The following DLGAP2 variants were observed in gnomAD, a reference collection of about 807,000 sequenced individuals.
DLGAP2 encodes the protein disks large-associated protein 2.
DLGAP2 carries 26 observed loss-of-function variants against 100.3 expected under a neutral mutation model. The ratio of observed to expected loss-of-function variants is 0.26; its 90% CI spans 0.19 to 0.36. The LOEUF (loss-of-function observed/expected upper bound fraction) is 0.36, where lower values mean the gene tolerates loss of function less well. Among genes scored for constraint, DLGAP2 ranks in the 10% least tolerant of loss-of-function variants. The pLI is 1.00. For synonymous variants in DLGAP2, 886 were observed against 630.1 expected, an observed-to-expected ratio of 1.41 and a Z score of -6.08; for missense variants, 1,858 against 1,453.2, an observed-to-expected ratio of 1.28 and a Z score of -4.53.
intron 2 of DLGAP2, among the ~76,000 whole-genome samples, chr8:986,318 T>C (rs577160783): frequency 1.3e-5 from 2 of 152,028 alleles, no homozygotes; most frequent in African/African-American, 4.8e-5. Flanking sequence ...AATTAAACTT[T>C]TCTTTTTTTA....
intron 2 of DLGAP2, among the ~76,000 whole-genome samples, chr8:1,245,911 C>T (rs926260440): frequency 1.1e-4 from 16 of 152,240 alleles, no homozygotes; most frequent in African/African-American, 2.6e-4. Flanking sequence ...CCAGTATGAC[C>T]GCCGTGGGGA....
intron 1 of DLGAP2, among the ~76,000 whole-genome samples, chr8:801,450 C>T (rs1241394918): frequency 6.6e-6 from 1 of 152,212 alleles, no homozygotes; most frequent in East Asian, 1.9e-4. Context: ...GAAGTGCTGC[C>T]CTCATTAGGA....
At chr8:1,252,852 G>T (rs1799079327) in intron 2 of DLGAP2, among the ~76,000 whole-genome samples, 1 of 152,240 alleles carries the variant, frequency 6.6e-6, no homozygotes, top group Admixed American at 6.5e-5. Context: ...AGACTTGGAA[G>T]AGGAAAGACG....
intron 5 of DLGAP2, among the ~76,000 whole-genome samples, chr8:1,551,921 C>A (rs904739609): frequency 2.0e-5 from 3 of 152,218 alleles, no homozygotes; most frequent in Non-Finnish European, 4.4e-5. Flanking sequence ...GAGAAGGGGC[C>A]CGCCTGGCAG....
intron 3 of DLGAP2, among the ~76,000 whole-genome samples, chr8:1,432,119 C>G (rs370951866): frequency 8.5e-5 from 13 of 152,228 alleles, no homozygotes; most frequent in South Asian, 2.1e-4. Flanking sequence ...GGGCTGAACT[C>G]TGGCGTTTGA....
intron 1 of DLGAP2, among the ~76,000 whole-genome samples, chr8:857,447 C>T (rs972833008): frequency 8.5e-5 from 13 of 152,182 alleles, no homozygotes; most frequent in South Asian, 2.1e-4. Flanking sequence ...TGATGGAGGA[C>T]GAGCATGCAA....
intron 4 of DLGAP2, among the ~76,000 whole-genome samples, chr8:1,534,282 C>G (rs1039689954): frequency 6.6e-6 from 1 of 152,186 alleles, no homozygotes; most frequent in Non-Finnish European, 1.5e-5. Flanking sequence ...AATTTTCTAG[C>G]ACAGAAAGTA....
chr8:1,044,459 C>T lies in DLGAP2; in HGVS notation c.73+136493C>T, dbSNP rs1025344152. Among the ~76,000 whole-genome samples the T allele has an allele frequency of 2.6e-5, 4 of 152,188 alleles. No homozygotes were observed. In the East Asian group the frequency reaches 5.8e-4, roughly 22 times the overall value. The stretch of plus-strand genomic sequence containing the variant: ...GCTGGGTGAGTTGGTCTCACCGCAC[C>T]TGCGTGACCACCTGGCTTAAACGCA... On this transcript the variant is annotated intron_variant, in intron 2 of 14. Transcript: ENST00000637795.
At chr8:1,474,810 G>C (rs1584938620) in intron 3 of DLGAP2, among the ~76,000 whole-genome samples, 1 of 152,216 alleles carries the variant, frequency 6.6e-6, no homozygotes, top group Non-Finnish European at 1.5e-5. Context: ...AGCCCCTGTG[G>C]AAAGCAGTTT....
chr8:1,673,436 G>A (rs965187930), intron 10 of DLGAP2, among the ~76,000 whole-genome samples: 1 of 152,196 alleles, frequency 6.6e-6, no homozygotes, highest in African/African-American at 2.4e-5. Context: ...TCCTGGCCAA[G>A]TATGATTTTA....
intron 2 of DLGAP2, among the ~76,000 whole-genome samples, chr8:1,027,032 A>G (rs1442166210): frequency 2.6e-5 from 4 of 152,234 alleles, no homozygotes; most frequent in Non-Finnish European, 5.9e-5. Context: ...AGTAATTACC[A>G]CACTGTTTGT....
chr8:1,354,204 A>G (rs895569639), intron 3 of DLGAP2, among the ~76,000 whole-genome samples: 1 of 151,496 alleles, frequency 6.6e-6, no homozygotes, highest in African/African-American at 2.4e-5. Flanking sequence ...GTAATTTAAG[A>G]AAAAGAAAAT....
intron 12 of DLGAP2, among the ~76,000 whole-genome samples, chr8:1,679,561 A>G (rs1274298669): frequency 1.3e-5 from 2 of 152,184 alleles, no homozygotes; most frequent in African/African-American, 4.8e-5. Flanking sequence ...TCATTCTTCT[A>G]CCAGTGTCAC....
At chr8:779,073 G>C (rs112481029) in intron 1 of DLGAP2, among the ~76,000 whole-genome samples, 1 of 152,228 alleles carries the variant, frequency 6.6e-6, no homozygotes, top group Non-Finnish European at 1.5e-5. Flanking sequence ...TCAGAAAAGC[G>C]CAGTATGCGG....
intron 2 of DLGAP2, among the ~76,000 whole-genome samples, chr8:1,052,150 T>G (rs1286568661): frequency 6.6e-6 from 1 of 152,106 alleles, no homozygotes; most frequent in Non-Finnish European, 1.5e-5. Flanking sequence ...AACTCCCGTG[T>G]CATGAGGTGG....
intron 1 of DLGAP2, among the ~76,000 whole-genome samples, chr8:846,862 T>A: frequency 6.6e-6 from 1 of 152,230 alleles, no homozygotes; most frequent in East Asian, 1.9e-4. Context: ...TGAGTGATGT[T>A]GAGCACATCC....
At chr8:1,539,515 C>T (rs576312426) in intron 4 of DLGAP2, among the ~76,000 whole-genome samples, 6 of 152,134 alleles carry the variant, frequency 3.9e-5, no homozygotes, top group East Asian at 1.9e-4. Context: ...GAGCCAGAAG[C>T]GCGACGCAGA....
At chr8:1,416,744 C>T (rs543423306) in intron 3 of DLGAP2, among the ~76,000 whole-genome samples, 6 of 152,246 alleles carry the variant, frequency 3.9e-5, no homozygotes, top group African/African-American at 1.4e-4. Flanking sequence ...GAAAAGGAAT[C>T]GGACGTGTTG....
chr8:1,063,130 T>A (rs1309017377), intron 2 of DLGAP2, among the ~76,000 whole-genome samples: 2 of 152,156 alleles, frequency 1.3e-5, no homozygotes, highest in African/African-American at 4.8e-5. Context: ...ATCAGCTGCA[T>A]TAAATAGGAT....
Sources: allele counts gnomAD v4.1 joint callset (sites outside exome capture counted in the v4.1 genomes callset), GRCh38; gene constraint gnomAD v4.1.1; transcripts MANE v1.5; gene names NCBI Gene and HGNC (gene_info 2026-07-23, HGNC 2026-07-21).